Variants in RARA observed in about 807,000 individuals in gnomAD.
RARA encodes retinoic acid receptor alpha.
Under a neutral mutation model 42.8 loss-of-function variants are expected in RARA, and 5 were observed. The ratio of observed to expected loss-of-function variants is 0.12; its 90% CI spans 0.06 to 0.25. The LOEUF (loss-of-function observed/expected upper bound fraction) is 0.25. Among genes scored for constraint, RARA ranks in the 10% least tolerant of loss-of-function variants. The pLI, the probability that RARA is intolerant of heterozygous loss-of-function variation, is 1.00. For synonymous variants in RARA, 256 were observed against 259.5 expected, an observed-to-expected ratio of 0.99 and a Z score of 0.13; for missense variants, 402 against 628.7, an observed-to-expected ratio of 0.64 and a Z score of 3.86.
In RARA at chr17:40,326,052, C is replaced by A. The variant is rs1409190276; in HGVS notation, c.-362-4805C>A. ...GGTTGTGGTCAGGCCTCCACCCACA[C>A]CCCGAATATCCCTTTCCCCACATCC... On this transcript the variant is annotated intron_variant, in intron 1 of 8. Coordinates refer to ENST00000254066, the MANE Select transcript of RARA (RefSeq NM_000964.4). The surrounding 1 kb of genome is among the most constrained non-coding windows in gnomAD (Gnocchi z 5.2). Among the ~76,000 whole-genome samples, 1 of 152,226 alleles carries A rather than the reference C, an allele frequency of 6.6e-6. No homozygotes were observed. The highest frequency in any genetic ancestry group is 1.5e-5 in the Non-Finnish European group (1 of 68,038).
rs1045853471 is a variant in RARA, at chr17:40,356,564, A to C, written c.*338A>C. The C allele has an allele frequency of 8.9e-6, 5 of 560,702 alleles. No homozygotes were observed. The highest frequency in any genetic ancestry group is 7.6e-5 in the East Asian group (2 of 26,428). 34.7% of individuals were successfully genotyped at this position (560,702 alleles called of 1,614,324 possible). On this transcript the variant is annotated 3_prime_UTR_variant, in exon 9 of 9. Coordinates refer to ENST00000254066, the MANE Select transcript of RARA (RefSeq NM_000964.4). The stretch of plus-strand genomic sequence containing the variant: ...CTCACCACATCTTCATCACCAGCAA[A>C]CGCCAGGACTTGGCTCCCCCATCCT...
chr17:40,354,179 A>T lies in RARA; in HGVS notation c.808-123A>T. 2 of 858,930 alleles carry T rather than the reference A, an allele frequency of 2.3e-6. No individual in the cohort carries two copies. The highest frequency in any genetic ancestry group is 3.7e-6 in the Non-Finnish European group (2 of 545,308). The allele number at this position is 858,930 out of a possible 1,614,324, so 53.2% of individuals were successfully genotyped here. A position where few individuals can be genotyped will look rare whatever the true frequency, so the allele number is the denominator to read the frequency against. On this transcript the variant is annotated intron_variant, in intron 6 of 8. Coordinates refer to ENST00000254066, the MANE Select transcript of RARA (RefSeq NM_000964.4). The surrounding 1 kb of genome is among the most constrained non-coding windows in gnomAD (Gnocchi z 4.5). ...TTCCATCATTGTAGAAAATTCTATC[A>T]GACAGCATTGCTCCGGCCACCTGCC...
chr17:40,318,595 C>G (rs1173181788), intron 1 of RARA: 4 of 152,290 alleles, frequency 2.6e-5, no homozygotes, highest in Admixed American at 2.0e-4. Flanking sequence ...CTTCCCAACT[C>G]GCTGCCGCCG....
intron 2 of RARA, among the ~76,000 whole-genome samples, chr17:40,339,893 T>C (rs1481700818): frequency 6.6e-6 from 1 of 152,154 alleles, no homozygotes; most frequent in Non-Finnish European, 1.5e-5. Flanking sequence ...CCCGAAGGCA[T>C]GGAAGCACTC....
rs532664626 is a variant in RARA, at chr17:40,333,291, G to A, written c.178+1895G>A. Among the ~76,000 whole-genome samples the A allele has an allele frequency of 1.2e-4, 18 of 152,192 alleles. 1 individual carries two copies. The South Asian group carries it at 3.3e-3, about 28-fold the overall frequency. The stretch of plus-strand genomic sequence containing the variant: ...TCTTGAACTCCTGACCTCATGATCC[G>A]CCCGCCTTGGCCTCCCAAAGTGCTA... On this transcript the variant is annotated intron_variant, in intron 2 of 8. Transcript: ENST00000254066.
At chr17:40,343,571 GGTGAGAA>G (rs1368615785) in intron 2 of RARA, among the ~76,000 whole-genome samples, 1 of 152,172 alleles carries the variant, frequency 6.6e-6, no homozygotes, top group African/African-American at 2.4e-5. Flanking sequence ...AAGCTGCTCT[GGTGAGAA>G]GAATCCCTCT....
At chr17:40,321,024 G>T (rs1047755161) in intron 1 of RARA, among the ~76,000 whole-genome samples, 1 of 152,098 alleles carries the variant, frequency 6.6e-6, no homozygotes. Flanking sequence ...TCTCTCTGAC[G>T]CCTGCTGTCT....
rs2143525440 is a variant in RARA at position 40,354,406 on chromosome 17, C to G, written c.912C>G (p.Pro304=). The G allele has an allele frequency of 6.2e-7, 1 of 1,614,220 alleles. No individual in the cohort carries two copies. ...RTQMHNAGFG[P]LTDLVFAFAN... is the part of the protein sequence containing the mutation. ...AGATGCACAACGCTGGCTTCGGCCC[C>G]CTCACCGACCTGGTCTTTGCCTTCG... is the stretch of plus-strand genomic sequence containing the variant. The change falls in exon 7 of 9, where the codon CCC becomes CCG. Residue 304 remains proline, a synonymous_variant. Transcript: ENST00000254066. This position sits in a 1 kb window ranked among gnomAD's most constrained non-coding sequence, Gnocchi z 4.5.
rs2034450789 is a variant in RARA, at chr17:40,351,518, G to A, written c.470-392G>A. On this transcript the variant is annotated intron_variant, in intron 4 of 8. Coordinates refer to ENST00000254066, the MANE Select transcript of RARA (RefSeq NM_000964.4). The surrounding 1 kb of genome is among the most constrained non-coding windows in gnomAD (Gnocchi z 4.1). ...CCAAGGGACCCCCAGGGAGACTGCA[G>A]CTGGGAGGGCTGGGTGAGTGGAGGC... 1 of 473,260 alleles carries A rather than the reference G, an allele frequency of 2.1e-6. No individual in the cohort carries two copies. The highest frequency in any genetic ancestry group is 1.6e-5 in the South Asian group (1 of 64,142). 29.3% of individuals were successfully genotyped at this position (473,260 alleles called of 1,614,324 possible). A position where few individuals can be genotyped will look rare whatever the true frequency, so the allele number is the denominator to read the frequency against.
At chr17:40,333,118 C>T (rs1309577975) in intron 2 of RARA, among the ~76,000 whole-genome samples, 2 of 151,264 alleles carry the variant, frequency 1.3e-5, no homozygotes, top group Non-Finnish European at 3.0e-5. Flanking sequence ...GGTGCGATCT[C>T]GGCTCACTGC....
chr17:40,322,021 G>C (rs1231349048), intron 1 of RARA, among the ~76,000 whole-genome samples: 1 of 152,158 alleles, frequency 6.6e-6, no homozygotes, highest in Non-Finnish European at 1.5e-5. Context: ...CTAGGGGTGT[G>C]GGGGTGTGTA....
intron 2 of RARA, chr17:40,341,575 C>T (rs2034041613): frequency 7.3e-7 from 1 of 1,366,478 alleles, no homozygotes; most frequent in Admixed American, 4.1e-5. Flanking sequence ...GCGGGCGAGC[C>T]CCGCGGGCGG....
At chr17:40,334,782 C>G (rs1453322417) in intron 2 of RARA, among the ~76,000 whole-genome samples, 1 of 152,212 alleles carries the variant, frequency 6.6e-6, no homozygotes, top group Non-Finnish European at 1.5e-5. Flanking sequence ...CCTCCTCCCC[C>G]TCATCCCTTT....
intron 1 of RARA, among the ~76,000 whole-genome samples, chr17:40,315,623 C>T (rs1447553742): frequency 1.3e-5 from 2 of 152,244 alleles, no homozygotes; most frequent in African/African-American, 2.4e-5. Flanking sequence ...CTCATCATCT[C>T]TTCGGAGTAT....
At chr17:40,310,716 C>A (rs1437708541) in intron 1 of RARA, among the ~76,000 whole-genome samples, 1 of 152,144 alleles carries the variant, frequency 6.6e-6, no homozygotes, top group Non-Finnish European at 1.5e-5. Flanking sequence ...TATAGGTCTT[C>A]CCCTTTGCTA....
chr17:40,343,140 A>C (rs774737111), intron 2 of RARA: 215 of 466,356 alleles, frequency 4.6e-4, no homozygotes, highest in Non-Finnish European at 6.5e-4. Context: ...CACTTCTTCC[A>C]GGAGAAATGA....
In RARA at chr17:40,352,505, C is replaced by T; in HGVS notation, c.805C>T (p.Leu269=). 1 of 1,602,532 alleles carries T rather than the reference C, an allele frequency of 6.2e-7. No homozygotes were observed. The highest frequency in any genetic ancestry group is 8.5e-7 in the Non-Finnish European group (1 of 1,173,382). ...CCTCAAGGCTGCCTGCCTGGACATC[C>T]TGGTGAGGGTCTGCACCCTGGCCCC... The part of the protein sequence containing the change: ...TLLKAACLDI[L]ILRICTRYTP... Residue 269 remains leucine (L), a splice_region_variant and synonymous_variant, in exon 6 of 9, where the codon CTG becomes TTG. Coordinates refer to ENST00000254066, the MANE Select transcript of RARA (RefSeq NM_000964.4). The surrounding 1 kb of genome is among the most constrained non-coding windows in gnomAD (Gnocchi z 4.9).
At chr17:40,327,548 G>A (rs1305280830) in intron 1 of RARA, among the ~76,000 whole-genome samples, 1 of 152,226 alleles carries the variant, frequency 6.6e-6, no homozygotes, top group Non-Finnish European at 1.5e-5. Flanking sequence ...CTGTGGGGCT[G>A]TGGTTGTGTC....
At chr17:40,313,541 C>T (rs974400048) in intron 1 of RARA, among the ~76,000 whole-genome samples, 2 of 152,134 alleles carry the variant, frequency 1.3e-5, no homozygotes, top group Admixed American at 1.3e-4. Flanking sequence ...GAATGGCACC[C>T]CCTGGGGTTG....
Sources: gnomAD v4.1 joint callset for allele counts (sites outside exome capture counted in the v4.1 genomes callset) on GRCh38, gnomAD v4.1.1 for gene constraint, Gnocchi (gnomAD v3.1) non-coding constraint, MANE v1.5 for transcripts, NCBI Gene and HGNC (gene_info 2026-07-23, HGNC 2026-07-21) for gene names.